The following DSC2 variants were observed in gnomAD, a reference collection of about 807,000 sequenced individuals.
DSC2 encodes the protein desmocollin 2.
A neutral mutation model predicts 87.6 loss-of-function variants in DSC2; 51 were observed. The observed-to-expected ratio is 0.58, with a 90% CI of 0.46 to 0.74. The LOEUF (loss-of-function observed/expected upper bound fraction) is 0.74, where lower values mean the gene tolerates loss of function less well. DSC2 is among the 30% of genes least tolerant of loss of function. The probability of loss-of-function intolerance (pLI) is 0.00; values close to 1 mark genes in which losing one functional copy is unlikely to be tolerated. For missense variants in DSC2, 1,066 were observed against 1,089.5 expected, an observed-to-expected ratio of 0.98 and a Z score of 0.30; for synonymous variants, 383 against 393.2, an observed-to-expected ratio of 0.97 and a Z score of 0.31.
At chr18:31,094,112 C>T (rs532314762) in intron 1 of DSC2, among the ~76,000 whole-genome samples, 4 of 152,126 alleles carry the variant, frequency 2.6e-5, no homozygotes, top group Non-Finnish European at 4.4e-5. Context: ...GATCCAACAA[C>T]AGCCTAGGTG....
Position 31,089,456 on chromosome 18 carries a change from G to A in DSC2, c.613C>T (p.Gln205Ter). Reference sequence around the variant, plus strand: ...GACTTTACCTCAAAAGATTCATACTGCTCACGATCTACAGGACGAGTACAA... The same window carrying A: ...GACTTTACCTCAAAAGATTCATACTACTCACGATCTACAGGACGAGTACAA... ...LYCTRPVDRE[Q>*]YESFEIIAFA... The change falls in exon 5 of 16, where the codon CAG becomes TAG. Residue 205 changes from glutamine (Q) to a stop codon, truncating the protein, a stop_gained. Coordinates refer to ENST00000280904, the MANE Select transcript of DSC2 (RefSeq NM_024422.6). LOFTEE classifies it high-confidence loss of function. The A allele has an allele frequency of 6.2e-7, 1 of 1,613,750 alleles. No homozygotes were observed. Among genetic ancestry groups the A allele is most frequent in the Non-Finnish European group, 8.5e-7 (1 of 1,179,832 alleles).
intron 14 of DSC2, among the ~76,000 whole-genome samples, chr18:31,069,400 T>C (rs558607765): frequency 2.0e-5 from 3 of 152,206 alleles, no homozygotes; most frequent in African/African-American, 7.2e-5. Flanking sequence ...AAGCTTGATG[T>C]ATATTCCTTC....
intron 4 of DSC2, among the ~76,000 whole-genome samples, chr18:31,090,554 G>A (rs1987557123): frequency 1.3e-5 from 2 of 151,636 alleles, no homozygotes; most frequent in Non-Finnish European, 1.5e-5. Context: ...AGATCTCATC[G>A]CTACAAAAAA....
At chr18:31,072,787 G>A (rs1485697869) in intron 12 of DSC2, among the ~76,000 whole-genome samples, 4 of 152,124 alleles carry the variant, frequency 2.6e-5, no homozygotes, top group Non-Finnish European at 2.9e-5. Flanking sequence ...AGTATTTGAA[G>A]CTCTAAATAC....
At chr18:31,096,872 C>A (rs1244668657) in intron 1 of DSC2, among the ~76,000 whole-genome samples, 2 of 151,986 alleles carry the variant, frequency 1.3e-5, no homozygotes, top group Non-Finnish European at 2.9e-5. Context: ...TAAAAAAAAT[C>A]TCTGCATTTG....
At chr18:31,084,917 T>C (rs1987347358) in intron 7 of DSC2, among the ~76,000 whole-genome samples, 1 of 152,080 alleles carries the variant, frequency 6.6e-6, no homozygotes, top group Non-Finnish European at 1.5e-5. Context: ...TGTGTCAATA[T>C]TTGGAAGCTC....
chr18:31,082,823 G>T (rs917109896), intron 8 of DSC2, 103 bp downstream of exon 8: 35 of 1,349,236 alleles, frequency 2.6e-5, no homozygotes, highest in Non-Finnish European at 3.5e-5. Context: ...CTCCCAAAGT[G>T]CTGAGATTAC....
At chr18:31,083,341 C>A (rs1598584130) in intron 7 of DSC2, among the ~76,000 whole-genome samples, 1 of 90,072 alleles carries the variant, frequency 1.1e-5, no homozygotes, top group African/African-American at 3.5e-5. Context: ...TCAAGCGAGG[C>A]AGGAGAATCA....
chr18:31,075,965 T>C (rs1166679862), intron 11 of DSC2, among the ~76,000 whole-genome samples: 1 of 152,176 alleles, frequency 6.6e-6, no homozygotes, highest in South Asian at 2.1e-4. Context: ...GAAACAGCCA[T>C]GGACCCACGC....
intron 5 of DSC2, among the ~76,000 whole-genome samples, chr18:31,088,207 C>A (rs917616074): frequency 5.8e-4 from 89 of 152,190 alleles, no homozygotes; most frequent in African/African-American, 2.0e-3. Flanking sequence ...AACTTGGGAT[C>A]CTGTAGGATT....
chr18:31,089,393 C>G (rs1987513752), intron 5 of DSC2, 46 bp downstream of exon 5: 1 of 1,609,552 alleles, frequency 6.2e-7, no homozygotes, highest in Admixed American at 1.7e-5. Context: ...GACAAAATGG[C>G]CAAGCATCAT....
chr18:31,093,152 T>C (rs1567983360), intron 2 of DSC2, among the ~76,000 whole-genome samples: 1 of 152,360 alleles, frequency 6.6e-6, no homozygotes, highest in East Asian at 1.9e-4. Flanking sequence ...GTTTTTATTT[T>C]AAGTTTCAGG....
intron 1 of DSC2, among the ~76,000 whole-genome samples, chr18:31,100,229 C>CT (rs1567986376): frequency 2.0e-5 from 3 of 152,112 alleles, no homozygotes; most frequent in Non-Finnish European, 4.4e-5. Flanking sequence ...AACTCCGAAG[C>CT]TAAGGAAGAA....
At chr18:31,069,646 C>T (rs935479898) in intron 14 of DSC2, among the ~76,000 whole-genome samples, 2 of 150,078 alleles carry the variant, frequency 1.3e-5, no homozygotes, top group African/African-American at 2.5e-5. Flanking sequence ...ACCTGGAAGA[C>T]GGAGCTTGCA....
In DSC2 at chr18:31,067,984, C is replaced by T. The variant is rs764197127; in HGVS notation, c.*31G>A. ...TAATTTTTTTTAAAAGTCATAAAGCCACTGGCTTTCAGAGACTTATTAGAA... is the reference window on the plus strand; with the variant it reads ...TAATTTTTTTTAAAAGTCATAAAGCTACTGGCTTTCAGAGACTTATTAGAA... On this transcript the variant is annotated 3_prime_UTR_variant, in exon 16 of 16. Transcript: ENST00000280904. 15 of 1,607,258 alleles carry T rather than the reference C, an allele frequency of 9.3e-6. No individual in the cohort carries two copies. The highest frequency in any genetic ancestry group is 4.4e-5 in the South Asian group (4 of 90,880).
intron 5 of DSC2, 93 bp downstream of exon 5, chr18:31,089,346 C>T: frequency 6.8e-7 from 1 of 1,476,902 alleles, no homozygotes; most frequent in Non-Finnish European, 9.4e-7. Context: ...GTGACAAACT[C>T]AGAAAGCAGA....
At chr18:31,074,349 T>C (rs1986931325) in intron 12 of DSC2, among the ~76,000 whole-genome samples, 1 of 151,098 alleles carries the variant, frequency 6.6e-6, no homozygotes, top group African/African-American at 2.4e-5. Flanking sequence ...TCTATGCCAG[T>C]GAGAGGTACA....
chr18:31,090,695 TTGGTC>T (rs1188963319), intron 4 of DSC2, among the ~76,000 whole-genome samples: 2 of 152,210 alleles, frequency 1.3e-5, no homozygotes, highest in East Asian at 3.9e-4. Context: ...TTCGTGGCAT[TTGGTC>T]TTTCATCCAA....
rs1986574789 is a variant in DSC2 at position 31,064,803 on chromosome 18, G to T, written c.*3212C>A. 6.6e-6 allele frequency: 1 copy of T among 152,316 alleles called. No individual in the cohort carries two copies. The highest frequency in any genetic ancestry group is 1.5e-5 in the Non-Finnish European group (1 of 68,036). 9.4% of individuals were successfully genotyped at this position (152,316 alleles called of 1,614,324 possible). A position where few individuals can be genotyped will look rare whatever the true frequency, so the allele number is the denominator to read the frequency against. On this transcript the variant is annotated 3_prime_UTR_variant, in exon 16 of 16. Coordinates refer to ENST00000280904, the MANE Select transcript of DSC2 (RefSeq NM_024422.6). ...TTTTGGAGATGATACTAAAGGGGCT[G>T]ATCAGAGCAAAGTCAGTTGTCAAGA...
Sources: gnomAD v4.1 joint callset for allele counts (sites outside exome capture counted in the v4.1 genomes callset) on GRCh38, gnomAD v4.1.1 for gene constraint, MANE v1.5 for transcripts, NCBI Gene and HGNC (gene_info 2026-07-23, HGNC 2026-07-21) for gene names.